Variants in MALRD1 observed in about 807,000 individuals in gnomAD.
MALRD1 encodes the protein MAM and LDL receptor class A domain containing 1, also known as MAM and LDL-receptor class A domain-containing protein 1.
Under a neutral mutation model 242.1 loss-of-function variants are expected in MALRD1, and 247 were observed. The observed-to-expected ratio is 1.02, with a 90% CI of 0.92 to 1.13. The LOEUF (loss-of-function observed/expected upper bound fraction) is 1.13, where lower values mean the gene tolerates loss of function less well. Among genes scored for constraint, MALRD1 ranks in the 50% most tolerant of loss-of-function variants. The pLI is 0.00. For missense variants in MALRD1, 2,989 were observed against 2,533.1 expected (o/e 1.18, Z -3.86); for synonymous variants, 995 against 866.6 (o/e 1.15, Z -2.60).
rs368092572 is a variant in MALRD1, at chr10:19,491,420, C to G, written c.5030-97C>G. 5 of 1,396,770 alleles carry G rather than the reference C, an allele frequency of 3.6e-6. No individual in the cohort carries two copies. The South Asian group carries it at 6.4e-5, about 18-fold the overall frequency. 86.5% of individuals were successfully genotyped at this position (1,396,770 alleles called of 1,614,324 possible). A position where few individuals can be genotyped will look rare whatever the true frequency, so the allele number is the denominator to read the frequency against. On this transcript the variant is annotated intron_variant, in intron 29 of 39. Coordinates refer to ENST00000454679, the MANE Select transcript of MALRD1 (RefSeq NM_001142308.3). ...GGCAACTGTTGAAATCCTTAACTTG[C>G]TTACTAGTGTGAAATCTATAAAATA...
At chr10:19,155,398 T>C (rs1192844550) in intron 12 of MALRD1, among the ~76,000 whole-genome samples, 1 of 152,246 alleles carries the variant, frequency 6.6e-6, no homozygotes, top group Non-Finnish European at 1.5e-5. Flanking sequence ...TCTGTTGTTT[T>C]ATATTCTTTT....
chr10:19,219,150 G>T (rs1837455582), intron 18 of MALRD1, among the ~76,000 whole-genome samples: 1 of 151,966 alleles, frequency 6.6e-6, no homozygotes, highest in Non-Finnish European at 1.5e-5. Flanking sequence ...GGCATTTGTA[G>T]ATTTTCATGG....
Position 19,709,279 on chromosome 10 carries a change from A to G in MALRD1, c.6314+16725A>G, listed in dbSNP as rs529310210. 3.3e-3 allele frequency among the ~76,000 whole-genome samples: 501 copies of G among 149,766 alleles called. 3 individuals are homozygous for G. The highest frequency in any genetic ancestry group is 0.011 in the African/African-American group (448 of 40,892). ...AAAAAAAAAAAAAAATACAAAAATT[A>G]GCCAGGCATGGTGGCATGCACCAGC... On this transcript the variant is annotated intron_variant, in intron 38 of 39. Transcript: ENST00000454679.
chr10:19,669,657 A>G (rs556360357), intron 36 of MALRD1, among the ~76,000 whole-genome samples: 2 of 152,344 alleles, frequency 1.3e-5, no homozygotes, highest in South Asian at 4.1e-4. Flanking sequence ...AACTGAGCAA[A>G]TGAAAATAAA....
At chr10:19,528,080 T>C (rs1457997877) in intron 31 of MALRD1, among the ~76,000 whole-genome samples, 1 of 152,192 alleles carries the variant, frequency 6.6e-6, no homozygotes, top group Non-Finnish European at 1.5e-5. Context: ...TGGAACAAAA[T>C]GTGAAACTTA....
chr10:19,422,543 C>T (rs758453766), intron 28 of MALRD1, among the ~76,000 whole-genome samples: 16 of 152,084 alleles, frequency 1.1e-4, no homozygotes, highest in East Asian at 1.9e-4. Flanking sequence ...GAGTAGTAAT[C>T]GCTTTCTGGC....
chr10:19,218,770 G>A (rs1222515269), intron 18 of MALRD1, among the ~76,000 whole-genome samples: 4 of 152,034 alleles, frequency 2.6e-5, no homozygotes, highest in Non-Finnish European at 5.9e-5. Context: ...ACACTGTAAT[G>A]ATCTTCATCC....
At chr10:19,234,223 T>C (rs1255455482) in intron 18 of MALRD1, among the ~76,000 whole-genome samples, 9 of 152,036 alleles carry the variant, frequency 5.9e-5, no homozygotes, top group Non-Finnish European at 1.0e-4. Flanking sequence ...TAAAACTCTA[T>C]AAATCCTATT....
chr10:19,280,008 A>C, intron 19 of MALRD1, 39 bp from the exon 20 acceptor site: 1 of 1,414,002 alleles, frequency 7.1e-7, no homozygotes. Flanking sequence ...AAAACCAGAA[A>C]ACCTGCTAAA....
intron 19 of MALRD1, among the ~76,000 whole-genome samples, chr10:19,262,408 C>T (rs1839789055): frequency 6.6e-6 from 1 of 151,936 alleles, no homozygotes; most frequent in South Asian, 2.1e-4. Flanking sequence ...GTAATCCTAG[C>T]ACTTTGGGAA....
In MALRD1 at chr10:19,175,060, A is replaced by G. The variant is rs1487679324; in HGVS notation, c.1831-148A>G. On this transcript the variant is annotated intron_variant, in intron 13 of 39. Coordinates refer to ENST00000454679, the MANE Select transcript of MALRD1 (RefSeq NM_001142308.3). The stretch of plus-strand genomic sequence containing the variant: ...AGCAGTTATGGTTTTATAAATTTAA[A>G]TTAGGATGTTCTGGTCAGAACAGTT... The G allele has an allele frequency of 1.1e-5, 5 of 454,788 alleles. No individual in the cohort carries two copies. In the East Asian group the frequency reaches 2.0e-4, roughly 19 times the overall value. The allele number at this position is 454,788 out of a possible 1,614,324, so 28.2% of individuals were successfully genotyped here.
chr10:19,279,632 TGAG>T (rs1222757416), intron 19 of MALRD1, among the ~76,000 whole-genome samples: 4 of 152,218 alleles, frequency 2.6e-5, no homozygotes, highest in Non-Finnish European at 5.9e-5. Context: ...TAAACAAAGA[TGAG>T]GAGATGTTAG....
At position 19,323,960 on chromosome 10, in the gene MALRD1, A is replaced by G. The variant is rs761097654; in HGVS notation, c.3431A>G (p.Asp1144Gly). 7 of 1,550,558 alleles carry G rather than the reference A, an allele frequency of 4.5e-6. No individual in the cohort carries two copies. In the South Asian group the frequency reaches 5.9e-5, roughly 13 times the overall value. The change falls in exon 22 of 40, where the codon GAT becomes GGT. Residue 1144 changes from aspartate (D) to glycine (G), a missense_variant. Physicochemically the swap from Asp to Gly is moderately conservative, Grantham distance 94 (BLOSUM62 -1). Transcript: ENST00000454679. ...AATTCCTTTTCCAGAAATACCACTG[A>G]TGGCTGGTACCTGTATGCTGACAGT... ...PSVDHTQNTTDGWYLYADSSN... is the reference protein window; with the variant it reads ...PSVDHTQNTTGGWYLYADSSN...
At chr10:19,204,518 G>T in intron 16 of MALRD1, 105 bp downstream of exon 16, 1 of 725,604 alleles carries the variant, frequency 1.4e-6, no homozygotes, top group Middle Eastern at 2.8e-4. Context: ...TTTACTGCTG[G>T]TTTTACTCTA....
At position 19,331,442 on chromosome 10, in the gene MALRD1, G is replaced by T. The variant is rs753481490; in HGVS notation, c.3761G>T (p.Cys1254Phe). Residue 1254 changes from cysteine (C) to phenylalanine (F), a missense_variant, in exon 24 of 40, where the codon TGC (cysteine) becomes TTC (phenylalanine). By Grantham distance (205) the Cys-to-Phe change is radical (BLOSUM62 -2). Transcript: ENST00000454679. ...VAVDDISFQDCSPLLSPERKC... is the reference protein window; with the variant it reads ...VAVDDISFQDFSPLLSPERKC... ...GTGGATGATATTTCCTTCCAAGATTGCTCCCCTTTGCTTAGCCCAGAGAGA... is the reference window on the plus strand; with the variant it reads ...GTGGATGATATTTCCTTCCAAGATTTCTCCCCTTTGCTTAGCCCAGAGAGA... 1.3e-6 allele frequency: 2 copies of T among 1,550,262 alleles called. No homozygotes were observed. The highest frequency in any genetic ancestry group is 2.7e-5 in the African/African-American group (2 of 72,948).
At chr10:19,357,647 GT>G (rs1326280130) in intron 26 of MALRD1, among the ~76,000 whole-genome samples, 5 of 152,048 alleles carry the variant, frequency 3.3e-5, no homozygotes, top group East Asian at 3.9e-4. Context: ...TCTTTAGAAT[GT>G]TTAATGATTC....
chr10:19,257,571 A>G (rs1224226581), intron 18 of MALRD1, 113 bp from the exon 19 acceptor site: 1 of 824,718 alleles, frequency 1.2e-6, no homozygotes, highest in Non-Finnish European at 1.8e-6. Flanking sequence ...TTTTAATGGC[A>G]CAGAAGGTTA....
chr10:19,353,514 A>C (rs1844489071), intron 26 of MALRD1, among the ~76,000 whole-genome samples: 1 of 152,322 alleles, frequency 6.6e-6, no homozygotes, highest in Middle Eastern at 3.4e-3. Flanking sequence ...AAGTATTTTC[A>C]TTTGGTTACA....
chr10:19,723,662 G>A lies in MALRD1; in HGVS notation c.6315-7044G>A, dbSNP rs1336332498. The stretch of plus-strand genomic sequence containing the variant: ...GAGACCAAGGCAGGAGGATCGCTTG[G>A]GCCCAGGAGTTCAAGGCTGCAGTGA... On this transcript the variant is annotated intron_variant, in intron 38 of 39. Coordinates refer to ENST00000454679, the MANE Select transcript of MALRD1 (RefSeq NM_001142308.3). Among the ~76,000 whole-genome samples, 18 of 151,542 alleles carry A rather than the reference G, an allele frequency of 1.2e-4. 1 individual carries two copies. Among genetic ancestry groups the A allele is most frequent in the Admixed American group, 1.2e-3 (18 of 15,214 alleles).
Sources: gnomAD v4.1 joint callset for allele counts (sites outside exome capture counted in the v4.1 genomes callset) on GRCh38, gnomAD v4.1.1 for gene constraint, MANE v1.5 for transcripts, NCBI Gene and HGNC (gene_info 2026-07-23, HGNC 2026-07-21) for gene names.